Variants in PTPRM observed in about 807,000 individuals in gnomAD.
PTPRM encodes receptor-type tyrosine-protein phosphatase mu.
In PTPRM, 47 loss-of-function variants were observed where a neutral mutation model predicts 186.7. That is an observed-to-expected ratio of 0.25 (90% CI 0.20 to 0.32). PTPRM has a LOEUF of 0.32. Ranked by LOEUF, PTPRM falls within the 10% of genes least tolerant of loss-of-function variation. The pLI, the probability that PTPRM is intolerant of heterozygous loss-of-function variation, is 1.00. For missense variants in PTPRM, 1,494 were observed against 1,865.0 expected (o/e 0.80, Z 3.66); for synonymous variants, 668 against 674.9 (o/e 0.99, Z 0.16).
chr18:8,159,953 C>A (rs576548772), intron 14 of PTPRM, among the ~76,000 whole-genome samples: 9 of 151,494 alleles, frequency 5.9e-5, no homozygotes, highest in African/African-American at 1.9e-4. Context: ...AGACTCCCTA[C>A]GTGTAGTAGT....
chr18:7,850,925 T>A (rs1378608677), intron 2 of PTPRM, among the ~76,000 whole-genome samples: 1 of 152,084 alleles, frequency 6.6e-6, no homozygotes, highest in African/African-American at 2.4e-5. Flanking sequence ...GATACTAGAG[T>A]TATTTAACTT....
chr18:7,630,261 G>T (rs963488289), intron 1 of PTPRM, among the ~76,000 whole-genome samples: 5 of 152,122 alleles, frequency 3.3e-5, no homozygotes, highest in African/African-American at 1.2e-4. Context: ...GTGGAGAGGA[G>T]GAAAACCAGG....
intron 11 of PTPRM, among the ~76,000 whole-genome samples, chr18:8,109,248 A>G (rs1267472689): frequency 6.6e-6 from 1 of 152,242 alleles, no homozygotes; most frequent in Non-Finnish European, 1.5e-5. Flanking sequence ...ATTGGGCAGC[A>G]GATAGGATTT....
intron 9 of PTPRM, among the ~76,000 whole-genome samples, chr18:8,082,918 G>A (rs573420539): frequency 4.3e-4 from 65 of 152,040 alleles, no homozygotes; most frequent in African/African-American, 1.3e-3. Context: ...ACATGGGACC[G>A]TCTTCTGATC....
chr18:7,877,861 A>T (rs1054191541), intron 2 of PTPRM, among the ~76,000 whole-genome samples: 1 of 152,152 alleles, frequency 6.6e-6, no homozygotes, highest in African/African-American at 2.4e-5. Context: ...AGTGATTTTC[A>T]TAAGGTCACA....
In PTPRM at chr18:7,595,044, A is replaced by G. The variant is rs559276902; in HGVS notation, c.73+27153A>G. ...TGTTGTAGAATCACCTTGGCAGCCA[A>G]TGTGCCACTCGTTGAATAGCTCCTT... On this transcript the variant is annotated intron_variant, in intron 1 of 32. Transcript: ENST00000580170. Among the ~76,000 whole-genome samples the G allele has an allele frequency of 1.5e-4, 23 of 152,258 alleles. 1 individual carries two copies. The highest frequency in any genetic ancestry group is 4.3e-4 in the African/African-American group (18 of 41,546).
chr18:8,142,583 G>A (rs928003907), intron 13 of PTPRM, among the ~76,000 whole-genome samples: 11 of 152,180 alleles, frequency 7.2e-5, no homozygotes, highest in Non-Finnish European at 1.6e-4. Flanking sequence ...GTCAGGTGAC[G>A]TAGGAGTGGA....
At chr18:8,161,346 A>T (rs147157947) in intron 14 of PTPRM, among the ~76,000 whole-genome samples, 2,322 of 152,220 alleles carry the variant, frequency 0.015, 48 homozygotes, top group African/African-American at 0.053. Context: ...CTCTGAGTTC[A>T]GATCCTAAAG....
intron 2 of PTPRM, among the ~76,000 whole-genome samples, chr18:7,841,148 A>C (rs964638574): frequency 6.6e-6 from 1 of 152,144 alleles, no homozygotes; most frequent in African/African-American, 2.4e-5. Flanking sequence ...ATAGCCAAAA[A>C]TGTGTAATTC....
intron 21 of PTPRM, among the ~76,000 whole-genome samples, chr18:8,315,171 TTGCCATC>T (rs2095299841): frequency 6.6e-6 from 1 of 152,238 alleles, no homozygotes; most frequent in South Asian, 2.1e-4. Flanking sequence ...TATGCCTTCT[TTGCCATC>T]TCATGCTTAT....
chr18:7,881,976 T>G (rs1397339855), intron 2 of PTPRM, among the ~76,000 whole-genome samples: 1 of 152,192 alleles, frequency 6.6e-6, no homozygotes, highest in Non-Finnish European at 1.5e-5. Context: ...TTTTTCATTC[T>G]TTTCTTTCAA....
chr18:8,092,992 C>CA (rs1452081211), intron 11 of PTPRM, among the ~76,000 whole-genome samples: 2 of 151,804 alleles, frequency 1.3e-5, no homozygotes, highest in Non-Finnish European at 2.9e-5. Context: ...GACCCTCTAC[C>CA]AAAAAAATTT....
At chr18:7,744,302 G>T (rs1456593758) in intron 1 of PTPRM, among the ~76,000 whole-genome samples, 1 of 152,142 alleles carries the variant, frequency 6.6e-6, no homozygotes, top group Non-Finnish European at 1.5e-5. Flanking sequence ...TTGTCCTAGG[G>T]CCTTGAAAGG....
chr18:7,675,760 A>T (rs2039320414), intron 1 of PTPRM, among the ~76,000 whole-genome samples: 1 of 149,206 alleles, frequency 6.7e-6, no homozygotes, highest in African/African-American at 2.5e-5. Context: ...TTTGAGACAG[A>T]GTCCCACTCT....
In PTPRM at chr18:7,886,184, G is replaced by T. The variant is rs138379501; in HGVS notation, c.197-1922G>T. ...AGAGCCCCCAGTGATAGAATCTGGC[G>T]TAAATCAGCTTCTATTTCACTAAGA... On this transcript the variant is annotated intron_variant, in intron 2 of 32. Coordinates refer to ENST00000580170, the MANE Select transcript of PTPRM (RefSeq NM_001105244.2). Among the ~76,000 whole-genome samples the T allele has an allele frequency of 3.9e-5, 6 of 152,304 alleles. No individual in the cohort carries two copies. The East Asian group carries it at 1.2e-3, about 29-fold the overall frequency.
intron 1 of PTPRM, among the ~76,000 whole-genome samples, chr18:7,740,571 G>A (rs568477170): frequency 3.9e-5 from 6 of 152,166 alleles, no homozygotes; most frequent in South Asian, 2.1e-4. Flanking sequence ...AGCATGTGCC[G>A]CCGCTCCTGG....
chr18:7,979,946 C>T (rs2082455255), intron 7 of PTPRM, among the ~76,000 whole-genome samples: 1 of 152,220 alleles, frequency 6.6e-6, no homozygotes, highest in South Asian at 2.1e-4. Context: ...ATCTCCAGGG[C>T]TGTGTCTTCA....
intron 11 of PTPRM, among the ~76,000 whole-genome samples, chr18:8,094,695 A>G (rs893267166): frequency 6.6e-6 from 1 of 152,156 alleles, no homozygotes; most frequent in Non-Finnish European, 1.5e-5. Context: ...AATTAATACA[A>G]CTATTGCCCC....
intron 7 of PTPRM, among the ~76,000 whole-genome samples, chr18:8,008,903 C>T (rs2084351923): frequency 6.6e-6 from 1 of 152,120 alleles, no homozygotes; most frequent in South Asian, 2.1e-4. Flanking sequence ...AAAGAGAAAT[C>T]CTGAGTAAAT....
Sources: gnomAD v4.1 joint callset for allele counts (sites outside exome capture counted in the v4.1 genomes callset) on GRCh38, gnomAD v4.1.1 for gene constraint, MANE v1.5 for transcripts, NCBI Gene and HGNC (gene_info 2026-07-23, HGNC 2026-07-21) for gene names.